Variants in MED13 observed in about 807,000 individuals in gnomAD.
MED13 encodes the protein mediator complex subunit 13.
A neutral mutation model predicts 225.2 loss-of-function variants in MED13; 23 were observed. The ratio of observed to expected loss-of-function variants is 0.10; its 90% CI spans 0.07 to 0.14. The LOEUF (loss-of-function observed/expected upper bound fraction) is 0.14, where lower values mean the gene tolerates loss of function less well. Among genes scored for constraint, MED13 ranks in the 10% least tolerant of loss-of-function variants. The pLI, the probability that MED13 is intolerant of heterozygous loss-of-function variation, is 1.00. For missense variants in MED13, 2,197 were observed against 2,594.5 expected (o/e 0.85, Z 3.33); for synonymous variants, 942 against 889.2 (o/e 1.06, Z -1.06).
intron 9 of MED13, 131 bp from the exon 10 acceptor site, chr17:61,995,496 G>T: frequency 1.7e-6 from 1 of 595,130 alleles, no homozygotes; most frequent in Non-Finnish European, 2.7e-6. Context: ...TTTCAGAAAT[G>T]AGGAGGCATG....
At chr17:61,973,861 T>C (rs1162317861) in intron 16 of MED13, among the ~76,000 whole-genome samples, 1 of 151,974 alleles carries the variant, frequency 6.6e-6, no homozygotes, top group East Asian at 1.9e-4. Context: ...CACATGCCTG[T>C]AATCCCAGCT....
In MED13 at chr17:62,029,924, T is replaced by C. The variant is rs376403358; in HGVS notation, c.1099A>G (p.Ile367Val). The change falls in exon 7 of 30, where the codon ATA becomes GTA. Residue 367 changes from isoleucine (I) to valine (V), a missense_variant. By Grantham distance (29) the Ile-to-Val change is conservative. Coordinates refer to ENST00000397786, the MANE Select transcript of MED13 (RefSeq NM_005121.3). The stretch of plus-strand genomic sequence containing the variant: ...ACATGATTTGCTAATTTTCTGGGTA[T>C]TTTCCCACCATGGTGGCTAGTACTA... ...SDSTSHHGGK[I>V]PRKLANHVVD... 3.7e-6 allele frequency: 6 copies of C among 1,614,052 alleles called. No homozygotes were observed. The African/African-American group carries it at 6.7e-5, about 18-fold the overall frequency.
intron 2 of MED13, among the ~76,000 whole-genome samples, chr17:62,057,606 C>G (rs534131625): frequency 6.6e-6 from 1 of 152,346 alleles, no homozygotes; most frequent in East Asian, 1.9e-4. Context: ...ATCTATCTGT[C>G]AATCCTATTA....
At chr17:61,983,878 G>A (rs916375377) in intron 15 of MED13, among the ~76,000 whole-genome samples, 12 of 151,730 alleles carry the variant, frequency 7.9e-5, no homozygotes, top group African/African-American at 2.7e-4. Flanking sequence ...ACAAGCATGC[G>A]CCACCACGCT....
intron 16 of MED13, among the ~76,000 whole-genome samples, chr17:61,979,205 T>C (rs552975115): frequency 9.1e-4 from 138 of 152,354 alleles, no homozygotes; most frequent in African/African-American, 3.1e-3. Flanking sequence ...CTCTCCTCAA[T>C]AGTATCACTA....
At chr17:62,018,113 C>T (rs1181734052) in intron 8 of MED13, among the ~76,000 whole-genome samples, 1 of 152,098 alleles carries the variant, frequency 6.6e-6, no homozygotes, top group Non-Finnish European at 1.5e-5. Context: ...ACAGTTGGTA[C>T]CACTGCAATA....
At chr17:62,041,333 T>C (rs546647196) in intron 3 of MED13, among the ~76,000 whole-genome samples, 1 of 152,286 alleles carries the variant, frequency 6.6e-6, no homozygotes, top group Admixed American at 6.5e-5. Flanking sequence ...AATAGTCAAG[T>C]TTCTAGACAG....
chr17:61,979,389 A>C (rs1437460665), intron 16 of MED13, among the ~76,000 whole-genome samples: 1 of 152,120 alleles, frequency 6.6e-6, no homozygotes, highest in Non-Finnish European at 1.5e-5. Context: ...GGTTCACCGA[A>C]TCCTCCACCT....
At chr17:62,024,962 T>C (rs2080686229) in intron 8 of MED13, among the ~76,000 whole-genome samples, 1 of 152,208 alleles carries the variant, frequency 6.6e-6, no homozygotes, top group Non-Finnish European at 1.5e-5. Context: ...TTCCATGTCT[T>C]TGTTATTGTG....
At chr17:62,044,442 A>T (rs2080881511) in intron 3 of MED13, among the ~76,000 whole-genome samples, 1 of 152,166 alleles carries the variant, frequency 6.6e-6, no homozygotes, top group Admixed American at 6.5e-5. Context: ...ATCCCACAAA[A>T]TCAAAAATTT....
chr17:62,042,919 G>A (rs945827306), intron 3 of MED13, among the ~76,000 whole-genome samples: 1 of 151,934 alleles, frequency 6.6e-6, no homozygotes, highest in Admixed American at 6.6e-5. Flanking sequence ...AGAGGCTGAG[G>A]CTGGAGGATC....
In MED13 at chr17:62,033,778, G is replaced by T. The variant is rs1216754773; in HGVS notation, c.814+9C>A. 7.8e-5 allele frequency: 125 copies of T among 1,612,476 alleles called. No homozygotes were observed. The highest frequency in any genetic ancestry group is 1.0e-4 in the Non-Finnish European group (121 of 1,178,938). On this transcript the variant is annotated intron_variant, in intron 5 of 29. Transcript: ENST00000397786. ...TTTTCCCCTTAGGAATAATACTCAG[G>T]ATCCATACCAACAAGAACTTCTACT...
In MED13 at chr17:61,993,198, TTC is replaced by T. The variant is rs1419155872; in HGVS notation, c.2182-579_2182-578del. 1.7e-3 allele frequency among the ~76,000 whole-genome samples: 246 copies of T among 143,292 alleles called. 1 individual carries two copies. The highest frequency in any genetic ancestry group is 6.2e-3 in the African/African-American group (226 of 36,288). The allele number at this position is 143,292 out of a possible 152,430, so 94.0% of individuals were successfully genotyped here. A position where few individuals can be genotyped will look rare whatever the true frequency, so the allele number is the denominator to read the frequency against. Reference sequence around the variant, plus strand: ...AAGTCCATGTTCTTTCTTTCTTTCTTTCTTTTTTTTTTTTTTTTTTTGAGACA... The same window carrying T: ...AAGTCCATGTTCTTTCTTTCTTTCTTTTTTTTTTTTTTTTTTTTTGAGACA... On this transcript the variant is annotated intron_variant, in intron 10 of 29. Coordinates refer to ENST00000397786, the MANE Select transcript of MED13 (RefSeq NM_005121.3).
chr17:61,980,518 C>T (rs1018519525), intron 16 of MED13, among the ~76,000 whole-genome samples: 1 of 152,204 alleles, frequency 6.6e-6, no homozygotes, highest in Non-Finnish European at 1.5e-5. Context: ...TACTACCATT[C>T]ACCCAGGTGC....
Position 61,965,252 on chromosome 17 carries a change from A to G in MED13, c.4598T>C (p.Leu1533Ser), listed in dbSNP as rs2080046506. The change falls in exon 20 of 30, where the codon TTG (leucine) becomes TCG (serine). Residue 1533 changes from leucine to serine, a missense_variant. Leu to Ser is a moderately radical substitution (Grantham distance 145). Coordinates refer to ENST00000397786, the MANE Select transcript of MED13 (RefSeq NM_005121.3). ...STSVATANST[L>S]TTASTSSSSS... is the part of the protein sequence containing the mutation. ...TGAAGATGAAGTTGAAGCTGTGGTC[A>G]AAGTTGAATTAGCTGTGGCAACTGA... The G allele has an allele frequency of 1.2e-6, 2 of 1,614,174 alleles. No homozygotes were observed. The highest frequency in any genetic ancestry group is 1.3e-5 in the African/African-American group (1 of 75,070).
chr17:61,960,647 T>TA (rs1237884950), intron 23 of MED13, among the ~76,000 whole-genome samples: 3 of 152,138 alleles, frequency 2.0e-5, no homozygotes, highest in Admixed American at 6.5e-5. Flanking sequence ...TTAGTGACCT[T>TA]AATCTTTTTT....
chr17:62,015,919 TA>T (rs2080564666), intron 8 of MED13, among the ~76,000 whole-genome samples: 1 of 4,912 alleles, frequency 2.0e-4, no homozygotes, highest in Non-Finnish European at 6.3e-4. Context: ...TATACACATA[TA>T]TATATATATA....
intron 19 of MED13, 128 bp downstream of exon 19, chr17:61,966,334 A>C (rs554264400): frequency 2.0e-5 from 15 of 756,432 alleles, no homozygotes; most frequent in Non-Finnish European, 3.2e-5. Flanking sequence ...TGTAGCACAA[A>C]AGCAGCCAGA....
intron 5 of MED13, among the ~76,000 whole-genome samples, chr17:62,032,758 T>C (rs1168150370): frequency 6.6e-6 from 1 of 152,218 alleles, no homozygotes; most frequent in Non-Finnish European, 1.5e-5. Flanking sequence ...CTCACTTCTG[T>C]CTTCTGCTAT....
Sources: allele counts gnomAD v4.1 joint callset (sites outside exome capture counted in the v4.1 genomes callset), GRCh38; gene constraint gnomAD v4.1.1; transcripts MANE v1.5; gene names NCBI Gene and HGNC (gene_info 2026-07-23, HGNC 2026-07-21).